AMBRA1: variants seen among roughly 807,000 people sequenced by gnomAD.
AMBRA1 encodes the protein autophagy and beclin 1 regulator 1.
In AMBRA1, 47 loss-of-function variants were observed where a neutral mutation model predicts 125.4. That is an observed-to-expected ratio of 0.37 (90% confidence interval 0.30 to 0.48). The LOEUF is 0.48. AMBRA1 is among the 20% of genes least tolerant of loss of function. The pLI is 0.99. For missense variants in AMBRA1, 1,331 were observed against 1,693.4 expected (o/e 0.79, Z 3.76); for synonymous variants, 626 against 655.5 (o/e 0.95, Z 0.69).
chr11:46,593,874 A>G lies in AMBRA1; in HGVS notation c.-167T>C. The G allele has an allele frequency of 2.5e-6, 1 of 397,974 alleles. No homozygotes were observed. The highest frequency in any genetic ancestry group is 4.4e-6 in the Non-Finnish European group (1 of 225,982). The allele number at this position is 397,974 out of a possible 1,614,324, so 24.7% of individuals were successfully genotyped here. A position where few individuals can be genotyped will look rare whatever the true frequency, so the allele number is the denominator to read the frequency against. ...GGTTTGCAGTCCAGCGAACGGGCTGAGCCACAGGGAAAAAGAAAGAGGAGA... is the reference window on the plus strand; with the variant it reads ...GGTTTGCAGTCCAGCGAACGGGCTGGGCCACAGGGAAAAAGAAAGAGGAGA... On this transcript the variant is annotated 5_prime_UTR_variant, in exon 1 of 18. Transcript: ENST00000683756.
intron 14 of AMBRA1, chr11:46,428,586 C>A: frequency 8.2e-7 from 1 of 1,225,254 alleles, no homozygotes; most frequent in South Asian, 1.3e-5. Context: ...TCTTCTTCTT[C>A]TTCTTCTTTT....
chr11:46,560,443 C>A (rs2043292944), intron 1 of AMBRA1, among the ~76,000 whole-genome samples: 1 of 152,174 alleles, frequency 6.6e-6, no homozygotes, highest in Non-Finnish European at 1.5e-5. Context: ...AAGTAACTCA[C>A]AATGATGCTG....
intron 7 of AMBRA1, among the ~76,000 whole-genome samples, chr11:46,534,421 G>A (rs1056803681): frequency 6.6e-6 from 1 of 151,996 alleles, no homozygotes; most frequent in Non-Finnish European, 1.5e-5. Flanking sequence ...CTTGAACCCG[G>A]GAGGCGGAGG....
chr11:46,465,034 T>A (rs1479752587), intron 11 of AMBRA1, among the ~76,000 whole-genome samples: 3 of 151,042 alleles, frequency 2.0e-5, no homozygotes, highest in Middle Eastern at 3.2e-3. Flanking sequence ...CACAGTGAGA[T>A]TCCCTCTCAA....
chr11:46,514,097 C>T (rs1050772443), intron 7 of AMBRA1, among the ~76,000 whole-genome samples: 2 of 152,176 alleles, frequency 1.3e-5, no homozygotes, highest in East Asian at 3.8e-4. Flanking sequence ...GCCTGCCTTT[C>T]CTAGGAACAG....
chr11:46,470,638 T>A (rs1015155902), intron 11 of AMBRA1, among the ~76,000 whole-genome samples: 3 of 148,674 alleles, frequency 2.0e-5, no homozygotes, highest in Non-Finnish European at 4.4e-5. Flanking sequence ...ACCATGGGCC[T>A]GCGGTCCTAG....
chr11:46,540,015 A>G (rs760669840), intron 7 of AMBRA1, among the ~76,000 whole-genome samples: 2 of 152,070 alleles, frequency 1.3e-5, no homozygotes, highest in African/African-American at 2.4e-5. Context: ...TATTTTTAGT[A>G]GAGATGGGGA....
intron 11 of AMBRA1, among the ~76,000 whole-genome samples, chr11:46,459,559 A>C (rs2136826999): frequency 6.6e-6 from 1 of 152,196 alleles, no homozygotes; most frequent in East Asian, 1.9e-4. Context: ...AAAAATACAA[A>C]AAGTAGCTGG....
intron 11 of AMBRA1, among the ~76,000 whole-genome samples, chr11:46,444,649 T>A (rs906027612): frequency 6.6e-6 from 1 of 152,196 alleles, no homozygotes; most frequent in Non-Finnish European, 1.5e-5. Context: ...GACAATTTCA[T>A]ACCCAGATTC....
At chr11:46,517,811 A>G (rs903326580) in intron 7 of AMBRA1, among the ~76,000 whole-genome samples, 7 of 147,696 alleles carry the variant, frequency 4.7e-5, no homozygotes, top group African/African-American at 1.8e-4. Context: ...AGCCTGGGCA[A>G]CAGGGACAGA....
At chr11:46,440,160 A>G (rs1398349794) in intron 12 of AMBRA1, among the ~76,000 whole-genome samples, 3 of 152,204 alleles carry the variant, frequency 2.0e-5, no homozygotes, top group Admixed American at 1.3e-4. Flanking sequence ...CAGTTTGTAG[A>G]GTAAAAGATT....
chr11:46,544,716 AAG>A (rs2135176576), intron 5 of AMBRA1, among the ~76,000 whole-genome samples: 1 of 152,302 alleles, frequency 6.6e-6, no homozygotes, highest in African/African-American at 2.4e-5. Flanking sequence ...TTGAAACTAA[AAG>A]AGAGTCTAAT....
chr11:46,406,779 G>A (rs1946042684), intron 17 of AMBRA1, among the ~76,000 whole-genome samples: 1 of 152,074 alleles, frequency 6.6e-6, no homozygotes, highest in African/African-American at 2.4e-5. Flanking sequence ...CTACTCGGGA[G>A]GCTGAGGCAG....
At chr11:46,458,246 CA>C (rs1393422407) in intron 11 of AMBRA1, among the ~76,000 whole-genome samples, 3 of 152,172 alleles carry the variant, frequency 2.0e-5, no homozygotes, top group Non-Finnish European at 4.4e-5. Flanking sequence ...GCAATATTAG[CA>C]AGCCATATAT....
chr11:46,548,417 A>C lies in AMBRA1; in HGVS notation c.-37T>G. 1.9e-6 allele frequency: 3 copies of C among 1,611,132 alleles called. No individual in the cohort carries two copies. The highest frequency in any genetic ancestry group is 2.5e-6 in the Non-Finnish European group (3 of 1,179,240). ...GCCACTGTCACACCAGGCCCAGGAA[A>C]TGAAGGAGCAAGTAACAGCTCCAAC... On this transcript the variant is annotated 5_prime_UTR_variant, in exon 2 of 18. Transcript: ENST00000683756.
chr11:46,458,592 T>C (rs1948951820), intron 11 of AMBRA1, among the ~76,000 whole-genome samples: 1 of 152,144 alleles, frequency 6.6e-6, no homozygotes, highest in Admixed American at 6.5e-5. Flanking sequence ...CATATAATAT[T>C]TTTTAAGTTT....
At chr11:46,450,678 A>G (rs935728785) in intron 11 of AMBRA1, among the ~76,000 whole-genome samples, 2 of 152,154 alleles carry the variant, frequency 1.3e-5, no homozygotes, top group Non-Finnish European at 2.9e-5. Context: ...CCTGAACTCA[A>G]GAGATCCACC....
chr11:46,503,746 G>A (rs1490691364), intron 9 of AMBRA1, among the ~76,000 whole-genome samples: 3 of 152,188 alleles, frequency 2.0e-5, no homozygotes, highest in East Asian at 3.8e-4. Flanking sequence ...GACCTAAAGA[G>A]AATTCATCTT....
chr11:46,398,781 TATTTA>T (rs1189366132), intron 17 of AMBRA1, among the ~76,000 whole-genome samples: 1 of 151,666 alleles, frequency 6.6e-6, no homozygotes, highest in African/African-American at 2.4e-5. Flanking sequence ...TGGCCTATTT[TATTTA>T]TTTTTGAGAC....
Sources: allele counts gnomAD v4.1 joint callset (sites outside exome capture counted in the v4.1 genomes callset), GRCh38; gene constraint gnomAD v4.1.1; transcripts MANE v1.5; gene names NCBI Gene and HGNC (gene_info 2026-07-23, HGNC 2026-07-21).